DOCK7: variants seen among roughly 807,000 people sequenced by gnomAD.
DOCK7 encodes dedicator of cytokinesis protein 7.
A neutral mutation model predicts 271.0 loss-of-function variants in DOCK7; 138 were observed. The observed-to-expected ratio is 0.51, with a 90% CI of 0.44 to 0.59. The LOEUF is 0.59. DOCK7 is among the 20% of genes least tolerant of loss of function. The pLI is 0.00. For missense variants in DOCK7, 2,066 were observed against 2,592.4 expected (o/e 0.80, Z 4.41); for synonymous variants, 823 against 876.1 (o/e 0.94, Z 1.07).
chr1:62,656,032 T>C (rs368289760), intron 2 of DOCK7, among the ~76,000 whole-genome samples: 3 of 152,184 alleles, frequency 2.0e-5, no homozygotes, highest in African/African-American at 7.2e-5. Flanking sequence ...TTACCTATCT[T>C]ATTAAGTACA....
At chr1:62,613,507 C>G (rs1470946947) in intron 14 of DOCK7, among the ~76,000 whole-genome samples, 2 of 152,118 alleles carry the variant, frequency 1.3e-5, no homozygotes, top group Non-Finnish European at 2.9e-5. Context: ...AGATTTAAGT[C>G]TTTAAGAAGA....
intron 48 of DOCK7, among the ~76,000 whole-genome samples, chr1:62,470,397 T>C (rs1645797029): frequency 6.6e-6 from 1 of 152,058 alleles, no homozygotes; most frequent in South Asian, 2.1e-4. Context: ...AATGATACAA[T>C]GGACTTTGAG....
At chr1:62,581,261 A>G (rs1196985194) in intron 16 of DOCK7, among the ~76,000 whole-genome samples, 2 of 152,214 alleles carry the variant, frequency 1.3e-5, no homozygotes, top group African/African-American at 4.8e-5. Context: ...TAGAAAAAAA[A>G]CCAAGAATGG....
In DOCK7 at chr1:62,504,042, G is replaced by A. The variant is rs535950280; in HGVS notation, c.4764+588C>T. Among the ~76,000 whole-genome samples, 411 of 97,546 alleles carry A rather than the reference G, an allele frequency of 4.2e-3. 2 individuals carry two copies. The highest frequency in any genetic ancestry group is 0.012 in the African/African-American group (378 of 30,732). 64.0% of individuals were successfully genotyped at this position (97,546 alleles called of 152,430 possible). A position where few individuals can be genotyped will look rare whatever the true frequency, so the allele number is the denominator to read the frequency against. Reference sequence around the variant, plus strand: ...AGCCTGGGCGACTGAGTGAGACTCCGTCTCAAAAAAAAAAAAAAAATAAGG... The same window carrying A: ...AGCCTGGGCGACTGAGTGAGACTCCATCTCAAAAAAAAAAAAAAAATAAGG... On this transcript the variant is annotated intron_variant, in intron 37 of 49. Coordinates refer to ENST00000635253, the MANE Select transcript of DOCK7 (RefSeq NM_001367561.1).
intron 14 of DOCK7, chr1:62,604,361 G>A (rs576229047): frequency 1.4e-5 from 17 of 1,186,030 alleles, no homozygotes; most frequent in African/African-American, 6.1e-5. Context: ...CTCTCTAGAC[G>A]AAAACCTCTT....
At chr1:62,579,024 T>C (rs1647029163) in intron 16 of DOCK7, 58 bp from the exon 17 acceptor site, 2 of 1,356,256 alleles carry the variant, frequency 1.5e-6, no homozygotes, top group East Asian at 2.8e-5. Flanking sequence ...ATAAATAATG[T>C]ATTTGTATAT....
chr1:62,653,106 TAAG>T (rs2149691941), intron 4 of DOCK7, among the ~76,000 whole-genome samples: 1 of 152,330 alleles, frequency 6.6e-6, no homozygotes, highest in East Asian at 1.9e-4. Context: ...CAAATAAGGT[TAAG>T]AAGATTCAGT....
At chr1:62,483,576 G>A (rs1255509249) in intron 43 of DOCK7, 1 of 134,668 alleles carries the variant, frequency 7.4e-6, no homozygotes, top group Non-Finnish European at 1.6e-5. Flanking sequence ...TACCTACAAT[G>A]TTCTGATTTC....
intron 1 of DOCK7, among the ~76,000 whole-genome samples, chr1:62,666,757 G>A (rs920895597): frequency 6.6e-6 from 1 of 152,148 alleles, no homozygotes; most frequent in Non-Finnish European, 1.5e-5. Flanking sequence ...AGAAAAACAA[G>A]GCAGTCTTTT....
Position 62,625,251 on chromosome 1 carries a change from A to T in DOCK7, c.1425+8T>A. 1.9e-6 allele frequency: 3 copies of T among 1,613,616 alleles called. No homozygotes were observed. The highest frequency in any genetic ancestry group is 2.5e-6 in the Non-Finnish European group (3 of 1,179,848). On this transcript the variant is annotated splice_region_variant and intron_variant, in intron 12 of 49. Coordinates refer to ENST00000635253, the MANE Select transcript of DOCK7 (RefSeq NM_001367561.1). ...TCTCCCCAAAATTCCTACATGACAG[A>T]ACAATACCTGCTTAAAAAAATTTGT...
At chr1:62,648,985 T>A (rs1291619129) in intron 4 of DOCK7, among the ~76,000 whole-genome samples, 1 of 152,114 alleles carries the variant, frequency 6.6e-6, no homozygotes, top group African/African-American at 2.4e-5. Flanking sequence ...TTTTTTGCTA[T>A]CTCTCGTTAT....
chr1:62,531,008 T>TA (rs1414408554), intron 29 of DOCK7: 2 of 152,274 alleles, frequency 1.3e-5, no homozygotes, highest in Non-Finnish European at 2.9e-5. Context: ...AGTATACATT[T>TA]AAACATTGTC....
intron 14 of DOCK7, among the ~76,000 whole-genome samples, chr1:62,611,753 A>T (rs1651813007): frequency 6.6e-6 from 1 of 152,142 alleles, no homozygotes; most frequent in Admixed American, 6.6e-5. Context: ...ATCAGTATAT[A>T]ATAAGCTTAT....
intron 1 of DOCK7, among the ~76,000 whole-genome samples, chr1:62,664,914 A>C (rs1309633711): frequency 6.6e-6 from 1 of 152,180 alleles, no homozygotes; most frequent in African/African-American, 2.4e-5. Context: ...GATTCAGGAG[A>C]GGGCAAAGGG....
chr1:62,476,985 T>C (rs796804543), intron 44 of DOCK7: 20 of 152,126 alleles, frequency 1.3e-4, no homozygotes, highest in African/African-American at 4.8e-4. Context: ...GAGCACTACT[T>C]CTCTTTGTGA....
chr1:62,556,539 G>A (rs1646147389), intron 20 of DOCK7, among the ~76,000 whole-genome samples: 1 of 151,510 alleles, frequency 6.6e-6, no homozygotes, highest in Non-Finnish European at 1.5e-5. Flanking sequence ...AAAAAAGAGG[G>A]GGCTAGAAAA....
intron 48 of DOCK7, among the ~76,000 whole-genome samples, chr1:62,468,141 G>A (rs994055034): frequency 2.0e-5 from 3 of 151,928 alleles, no homozygotes; most frequent in South Asian, 2.1e-4. Flanking sequence ...TGGGCAGATC[G>A]CCTGAGGTCG....
chr1:62,475,557 G>T, intron 46 of DOCK7, 150 bp downstream of exon 46: 1 of 1,073,870 alleles, frequency 9.3e-7, no homozygotes, highest in Non-Finnish European at 1.3e-6. Context: ...TCTTAGAAAA[G>T]AAGTAAAAAA....
At chr1:62,562,664 A>C (rs1022708124) in intron 18 of DOCK7, among the ~76,000 whole-genome samples, 1 of 152,134 alleles carries the variant, frequency 6.6e-6, no homozygotes, top group Non-Finnish European at 1.5e-5. Context: ...TAAAGACTGA[A>C]AGGTAGAGAG....
Sources: allele counts gnomAD v4.1 joint callset (sites outside exome capture counted in the v4.1 genomes callset), GRCh38; gene constraint gnomAD v4.1.1; transcripts MANE v1.5; gene names NCBI Gene and HGNC (gene_info 2026-07-23, HGNC 2026-07-21).